ZNF273: variants seen among roughly 807,000 people sequenced by gnomAD.
ZNF273 encodes the protein zinc finger protein 273, also known as zinc finger protein 9.
ZNF273 carries 11 observed loss-of-function variants against 14.9 expected under a neutral mutation model. The ratio of observed to expected loss-of-function variants is 0.74; its 90% CI spans 0.46 to 1.22. ZNF273 has a LOEUF of 1.22. ZNF273 is among the 50% of genes most tolerant of loss of function. The pLI is 0.00. For missense variants in ZNF273, 577 were observed against 660.6 expected, an observed-to-expected ratio of 0.87 and a Z score of 1.39; for synonymous variants, 199 against 223.9, an observed-to-expected ratio of 0.89 and a Z score of 0.99.
intron 3 of ZNF273, among the ~76,000 whole-genome samples, chr7:64,921,605 C>CCTT (rs1794451548): frequency 1.7e-5 from 1 of 57,928 alleles, no homozygotes; most frequent in African/African-American, 6.7e-5. Context: ...CATGCTAATG[C>CCTT]TTTTTTTTTT....
chr7:64,903,634 G>T (rs1427919758), intron 1 of ZNF273, among the ~76,000 whole-genome samples: 3 of 152,174 alleles, frequency 2.0e-5, no homozygotes, highest in Non-Finnish European at 2.9e-5. Flanking sequence ...TCCTCCCTGC[G>T]CAGTGACCGT....
chr7:64,923,949 G>A (rs2129098010), intron 3 of ZNF273: 1 of 151,638 alleles, frequency 6.6e-6, no homozygotes, highest in East Asian at 1.9e-4. Context: ...GTACTTTATT[G>A]TCTCTTGAGA....
chr7:64,908,441 C>T (rs973237784), intron 1 of ZNF273, among the ~76,000 whole-genome samples: 2 of 152,128 alleles, frequency 1.3e-5, no homozygotes, highest in South Asian at 2.1e-4. Flanking sequence ...TGTTGTTCCC[C>T]GCTTTGAGTC....
chr7:64,891,819 A>G (rs991568214), downstream of ZNF273, among the ~76,000 whole-genome samples: 3 of 152,172 alleles, frequency 2.0e-5, no homozygotes, highest in East Asian at 5.8e-4. Context: ...TGAAATCCAC[A>G]TTTATCTAAA....
downstream of ZNF273, chr7:64,880,146 A>G (rs7790631): frequency 0.98 from 149,277 of 152,398 alleles, 73,197 homozygotes; most frequent in East Asian, 1. Context: ...ACGTGCGTCG[A>G]AGTTGGACTT....
upstream of ZNF273, chr7:64,903,258 T>G: frequency 9.9e-6 from 14 of 1,408,840 alleles, no homozygotes; most frequent in African/African-American, 1.4e-5. Flanking sequence ...GCTTCCGGGA[T>G]TTGGCGGGGC....
chr7:64,902,854 C>A (rs1792816722), upstream of ZNF273, among the ~76,000 whole-genome samples: 2 of 152,228 alleles, frequency 1.3e-5, no homozygotes, highest in Non-Finnish European at 2.9e-5. Flanking sequence ...GATATGCAAT[C>A]ATCTCAGTGA....
At chr7:64,903,453 G>C (rs1454229524) in intron 1 of ZNF273, 34 bp downstream of exon 1, 2 of 1,580,984 alleles carry the variant, frequency 1.3e-6, no homozygotes, top group Non-Finnish European at 1.7e-6. Flanking sequence ...CCGAGAGAGG[G>C]GGAGGGCCTG....
chr7:64,917,289 T>C (rs1794074649), intron 1 of ZNF273, among the ~76,000 whole-genome samples: 1 of 152,248 alleles, frequency 6.6e-6, no homozygotes, highest in Non-Finnish European at 1.5e-5. Context: ...TTCTGTATGA[T>C]GTAAATATAG....
Position 64,918,232 on chromosome 7 carries a change from C to T in ZNF273, c.265C>T (p.Leu89=), listed in dbSNP as rs1562961700. ...CTCTAAGCCAGACCTGATCACTTGT[C>T]TGGAGCAAGGAAAAGAGCCCTGCAA... ...AVSKPDLITC[L]EQGKEPCNMK... is the part of the protein sequence containing the mutation. The change falls in exon 3 of 4, where the codon CTG becomes TTG. Residue 89 remains leucine, a synonymous_variant. Coordinates refer to ENST00000476120, the MANE Select transcript of ZNF273 (RefSeq NM_021148.3). 2 of 1,569,668 alleles carry T rather than the reference C, an allele frequency of 1.3e-6. No homozygotes were observed. Among genetic ancestry groups the T allele is most frequent in the East Asian group, 4.8e-5 (2 of 41,794 alleles).
rs2017252 is a variant in ZNF273, at chr7:64,928,711, A to T, written c.1383A>T (p.Glu461Asp). 6.5e-5 allele frequency: 105 copies of T among 1,612,862 alleles called. No homozygotes were observed. Among genetic ancestry groups the T allele is most frequent in the East Asian group, 1.3e-4 (6 of 44,834 alleles). ...IHTGAKPYKC[E>D]ECGSAFRAFS... ...CTGGAGCAAAACCTTACAAATGTGAAGAATGTGGCAGTGCCTTTAGGGCAT... is the reference window on the plus strand; with the variant it reads ...CTGGAGCAAAACCTTACAAATGTGATGAATGTGGCAGTGCCTTTAGGGCAT... The change falls in exon 4 of 4, where the codon GAA (glutamate) becomes GAT (aspartate). Residue 461 changes from glutamate (E) to aspartate (D), a missense_variant. Physicochemically the swap from Glu to Asp is conservative, Grantham distance 45. Coordinates refer to ENST00000476120, the MANE Select transcript of ZNF273 (RefSeq NM_021148.3).
At position 64,927,708 on chromosome 7, in the gene ZNF273, C is replaced by G; in HGVS notation, c.380C>G (p.Ser127Cys). Residue 127 changes from serine to cysteine, a missense_variant, in exon 4 of 4, where the codon TCT becomes TGT. By Grantham distance (112) the Ser-to-Cys change is moderately radical (BLOSUM62 -1). Coordinates refer to ENST00000476120, the MANE Select transcript of ZNF273 (RefSeq NM_021148.3). ...DLWPKQGLKD[S>C]FQKVILRRYG... ...TGGCCAAAGCAGGGCTTAAAAGATTCTTTTCAAAAAGTGATACTGAGAAGA... is the reference window on the plus strand; with the variant it reads ...TGGCCAAAGCAGGGCTTAAAAGATTGTTTTCAAAAAGTGATACTGAGAAGA... 7 of 1,604,044 alleles carry G rather than the reference C, an allele frequency of 4.4e-6. No homozygotes were observed. The highest frequency in any genetic ancestry group is 5.9e-6 in the Non-Finnish European group (7 of 1,177,176).
chr7:64,879,840 C>A (rs973076472), downstream of ZNF273: 7 of 152,364 alleles, frequency 4.6e-5, no homozygotes, highest in East Asian at 1.4e-3. Flanking sequence ...CTGTCCTCCT[C>A]CAGCGGGACA....
intron 3 of ZNF273, among the ~76,000 whole-genome samples, chr7:64,925,747 GT>G (rs1308132528): frequency 6.7e-6 from 1 of 148,604 alleles, no homozygotes; most frequent in Non-Finnish European, 1.5e-5. Context: ...TGCATACAAA[GT>G]TTTTTCCTCA....
At chr7:64,932,007 A>G (rs941909609), downstream of ZNF273, among the ~76,000 whole-genome samples, 1 of 152,040 alleles carries the variant, frequency 6.6e-6, no homozygotes, top group South Asian at 2.1e-4. Flanking sequence ...TTTCTGTGTT[A>G]TGGCTACAGT....
At chr7:64,916,615 C>T (rs919196990) in intron 1 of ZNF273, among the ~76,000 whole-genome samples, 3 of 150,338 alleles carry the variant, frequency 2.0e-5, no homozygotes, top group Non-Finnish European at 4.4e-5. Context: ...TTGAAGAGGG[C>T]ATAAAACTGA....
chr7:64,934,220 A>C (rs1795043655), downstream of ZNF273, among the ~76,000 whole-genome samples: 1 of 151,820 alleles, frequency 6.6e-6, no homozygotes, highest in African/African-American at 2.4e-5. Context: ...TTTTTATATT[A>C]AAGTCTTGTC....
chr7:64,912,826 G>GTTTTGTTTTTTTTTTTTTTT (rs746174998), intron 1 of ZNF273, among the ~76,000 whole-genome samples: 1 of 36,568 alleles, frequency 2.7e-5, no homozygotes, highest in Non-Finnish European at 5.7e-5. Context: ...ATTCATTTTA[G>GTTTTGTTTTTTTTTTTTTTT]TTTTTTTTTT....
downstream of ZNF273, among the ~76,000 whole-genome samples, chr7:64,890,928 A>T (rs1055977406): frequency 2.0e-5 from 3 of 152,234 alleles, no homozygotes; most frequent in African/African-American, 7.2e-5. Flanking sequence ...AACAGCCACA[A>T]GCCTTTGTTG....
Sources: allele counts gnomAD v4.1 joint callset (sites outside exome capture counted in the v4.1 genomes callset), GRCh38; gene constraint gnomAD v4.1.1; transcripts MANE v1.5; gene names NCBI Gene and HGNC (gene_info 2026-07-23, HGNC 2026-07-21).